CAMSAP1: variants seen among roughly 807,000 people sequenced by gnomAD.
CAMSAP1 encodes calmodulin-regulated spectrin-associated protein 1.
In CAMSAP1, 58 loss-of-function variants were observed where a neutral mutation model predicts 143.5. The observed-to-expected ratio is 0.40, with a 90% CI of 0.33 to 0.50. The LOEUF (loss-of-function observed/expected upper bound fraction) is 0.50, where lower values mean the gene tolerates loss of function less well. Ranked by LOEUF, CAMSAP1 falls within the 20% of genes least tolerant of loss-of-function variation. CAMSAP1 has a pLI of 0.45. For synonymous variants in CAMSAP1, 945 were observed against 859.3 expected, an observed-to-expected ratio of 1.10 and a Z score of -1.74; for missense variants, 1,969 against 2,115.7, an observed-to-expected ratio of 0.93 and a Z score of 1.36.
At chr9:135,887,614 T>G (rs1391473369) in intron 1 of CAMSAP1, among the ~76,000 whole-genome samples, 1 of 152,026 alleles carries the variant, frequency 6.6e-6, no homozygotes, top group East Asian at 1.9e-4. Context: ...TAGGGCAGTG[T>G]CTTTCACTGG....
rs142913003 is a variant in CAMSAP1 at position 135,821,612 on chromosome 9, C to A, written c.3049G>T (p.Val1017Leu). ...LEDTVGEVVDVNECDLSIEKL... is the reference protein window; with the variant it reads ...LEDTVGEVVDLNECDLSIEKL... ...TCGATGGAAAGGTCACATTCATTCA[C>A]GTCGACAACCTCCCCAACAGTGTCC... The change falls in exon 11 of 17, where the codon GTG (valine) becomes TTG (leucine). Residue 1017 changes from valine to leucine, a missense_variant. Coordinates refer to ENST00000389532, the MANE Select transcript of CAMSAP1 (RefSeq NM_015447.4). The surrounding 1 kb of genome is among the most constrained non-coding windows in gnomAD (Gnocchi z 4.6). 6.7e-5 allele frequency: 108 copies of A among 1,613,932 alleles called. No homozygotes were observed. Among genetic ancestry groups the A allele is most frequent in the Non-Finnish European group, 7.6e-5 (90 of 1,179,914 alleles).
At chr9:135,830,909 G>A (rs1346613135) in intron 7 of CAMSAP1, among the ~76,000 whole-genome samples, 2 of 152,176 alleles carry the variant, frequency 1.3e-5, no homozygotes, top group Non-Finnish European at 2.9e-5. Flanking sequence ...AGTGGCTCAC[G>A]CCTGTAATCC....
intron 1 of CAMSAP1, among the ~76,000 whole-genome samples, chr9:135,890,485 C>G (rs944195209): frequency 1.3e-5 from 2 of 152,144 alleles, no homozygotes; most frequent in Non-Finnish European, 2.9e-5. Flanking sequence ...GTGGTAAAGA[C>G]GGCAGGCTGT....
chr9:135,857,138 T>C (rs1837007785), intron 5 of CAMSAP1, among the ~76,000 whole-genome samples: 1 of 152,212 alleles, frequency 6.6e-6, no homozygotes, highest in Non-Finnish European at 1.5e-5. Context: ...ATGGCCCTTC[T>C]TCAGGAATCC....
intron 7 of CAMSAP1, among the ~76,000 whole-genome samples, chr9:135,831,126 C>T (rs1212664635): frequency 3.9e-5 from 6 of 152,102 alleles, no homozygotes; most frequent in East Asian, 1.9e-4. Context: ...GAGCCGAGAT[C>T]GCTCCAGCCT....
chr9:135,823,172 G>A lies in CAMSAP1; in HGVS notation c.1489C>T (p.Arg497Cys), dbSNP rs1444422667. Residue 497 changes from arginine (R) to cysteine (C), a missense_variant, in exon 11 of 17, where the codon CGC (arginine) becomes TGC (cysteine). By Grantham distance (180) the Arg-to-Cys change is radical (BLOSUM62 -3). This residue lies in a region of CAMSAP1 where 1,390 missense variants were observed against 1,420.8 expected (regional missense o/e 0.98). Coordinates refer to ENST00000389532, the MANE Select transcript of CAMSAP1 (RefSeq NM_015447.4). ...PSSGDSISLA[R>C]SISKDSLASN... ...GCCAAACTGTCTTTGCTGATGGAGC[G>A]GGCCAAGCTGATGCTGTCGCCAGAG... is the stretch of plus-strand genomic sequence containing the variant. 5 of 1,606,288 alleles carry A rather than the reference G, an allele frequency of 3.1e-6. No individual in the cohort carries two copies. The highest frequency in any genetic ancestry group is 1.7e-5 in the Admixed American group (1 of 59,610).
rs1835448511 is a variant in CAMSAP1 at position 135,821,311 on chromosome 9, G to A, written c.3350C>T (p.Ser1117Phe). The A allele has an allele frequency of 1.2e-6, 2 of 1,612,716 alleles. No individual in the cohort carries two copies. Among genetic ancestry groups the A allele is most frequent in the Admixed American group, 1.7e-5 (1 of 60,014 alleles). The change falls in exon 11 of 17, where the codon TCC becomes TTC. Residue 1117 changes from serine (S) to phenylalanine (F), a missense_variant. Transcript: ENST00000389532. The surrounding 1 kb of genome is among the most constrained non-coding windows in gnomAD (Gnocchi z 4.6). ...GGGCGTTGGGGTTTTACTTCGGGAG[G>A]AGCCCTGTGGCCTGTCTTTTGGGAC... is the stretch of plus-strand genomic sequence containing the variant. ...LKVPKDRPQG[S>F]SRSKTPTPSV... is the part of the protein sequence containing the mutation.
At position 135,824,925 on chromosome 9, in the gene CAMSAP1, C is replaced by T. The variant is rs1166299297; in HGVS notation, c.1224-45G>A. 6.8e-7 allele frequency: 1 copy of T among 1,470,128 alleles called. No individual in the cohort carries two copies. Among genetic ancestry groups the T allele is most frequent in the Non-Finnish European group, 9.3e-7 (1 of 1,075,996 alleles). 91.1% of individuals were successfully genotyped at this position (1,470,128 alleles called of 1,614,324 possible). A position where few individuals can be genotyped will look rare whatever the true frequency, so the allele number is the denominator to read the frequency against. On this transcript the variant is annotated intron_variant, in intron 8 of 16. Transcript: ENST00000389532. This position sits in a 1 kb window ranked among gnomAD's most constrained non-coding sequence, Gnocchi z 4.1. ...CAGGGAAAATCATTCCTTTATCAAACTTCAAGGTCAACAGCAAATGCACAA... is the reference window on the plus strand; with the variant it reads ...CAGGGAAAATCATTCCTTTATCAAATTTCAAGGTCAACAGCAAATGCACAA...
In CAMSAP1 at chr9:135,820,456, C is replaced by A. The variant is rs1162188491; in HGVS notation, c.3822+383G>T. Among the ~76,000 whole-genome samples the A allele has an allele frequency of 2.6e-5, 4 of 152,144 alleles. No individual in the cohort carries two copies. Among genetic ancestry groups the A allele is most frequent in the Admixed American group, 1.3e-4 (2 of 15,280 alleles). On this transcript the variant is annotated intron_variant, in intron 11 of 16. Transcript: ENST00000389532. The surrounding 1 kb of genome is among the most constrained non-coding windows in gnomAD (Gnocchi z 4.4). ...GGCAAACTTCAGCCCACAGGCCAGG[C>A]CTGGCCACCTCCAGAGCATTCTAAC... is the stretch of plus-strand genomic sequence containing the variant.
rs570458407 is a variant in CAMSAP1, at chr9:135,811,493, G to A, written c.4625C>T (p.Thr1542Met). 43 of 1,610,358 alleles carry A rather than the reference G, an allele frequency of 2.7e-5. No individual in the cohort carries two copies. The highest frequency in any genetic ancestry group is 6.7e-5 in the East Asian group (3 of 44,810). Residue 1542 changes from threonine to methionine, a missense_variant, in exon 17 of 17, where the codon ACG becomes ATG. Thr to Met is a moderately conservative substitution (Grantham distance 81, BLOSUM62 -1). Transcript: ENST00000389532. This position sits in a 1 kb window ranked among gnomAD's most constrained non-coding sequence, Gnocchi z 4.9. ...TTTCTTGGTGATGTTCTTTGGCCCC[G>A]TGCCAGTGAGTTTGTAGATTTCCTC... ...DTEEIYKLTG[T>M]GPKNITKKMI...
intron 1 of CAMSAP1, among the ~76,000 whole-genome samples, chr9:135,902,094 C>G (rs530137478): frequency 6.6e-6 from 1 of 152,166 alleles, no homozygotes; most frequent in Non-Finnish European, 1.5e-5. Flanking sequence ...AGGTGGTTCT[C>G]AGGACACCTC....
chr9:135,847,372 A>T (rs901700773), intron 7 of CAMSAP1, among the ~76,000 whole-genome samples: 14 of 151,852 alleles, frequency 9.2e-5, no homozygotes, highest in African/African-American at 1.9e-4. Context: ...ATAATAAAAT[A>T]AAAAAAAGTA....
At chr9:135,817,667 G>A in intron 14 of CAMSAP1, 1 of 272,414 alleles carries the variant, frequency 3.7e-6, no homozygotes, top group Non-Finnish European at 7.1e-6. Context: ...CCAAAGTCCT[G>A]GAATCATGGG....
intron 11 of CAMSAP1, among the ~76,000 whole-genome samples, chr9:135,819,944 G>A (rs1487446124): frequency 6.6e-6 from 1 of 152,154 alleles, no homozygotes; most frequent in African/African-American, 2.4e-5. Flanking sequence ...CTTTTGCTAA[G>A]ATCCACCTGA....
In CAMSAP1 at chr9:135,862,846, T is replaced by C. The variant is rs902724458; in HGVS notation, c.667-238A>G. 9.2e-5 allele frequency among the ~76,000 whole-genome samples: 14 copies of C among 152,104 alleles called. No individual in the cohort carries two copies. In the East Asian group the frequency reaches 2.1e-3, roughly 23 times the overall value. ...ACACTGGGTAACAGCAACTACTTGC[T>C]AGCAATACCAGAGCCAGTCTACTCT... is the stretch of plus-strand genomic sequence containing the variant. On this transcript the variant is annotated intron_variant, in intron 4 of 16. Coordinates refer to ENST00000389532, the MANE Select transcript of CAMSAP1 (RefSeq NM_015447.4).
At chr9:135,851,627 G>A (rs367839345) in intron 5 of CAMSAP1, among the ~76,000 whole-genome samples, 9 of 152,160 alleles carry the variant, frequency 5.9e-5, no homozygotes, top group African/African-American at 2.2e-4. Context: ...GCATCCACAA[G>A]TAACACAAAC....
At chr9:135,870,614 G>C (rs952972637) in intron 3 of CAMSAP1, among the ~76,000 whole-genome samples, 1 of 152,018 alleles carries the variant, frequency 6.6e-6, no homozygotes, top group African/African-American at 2.4e-5. Context: ...GGCCAACATG[G>C]CAAAACCTTA....
intron 7 of CAMSAP1, among the ~76,000 whole-genome samples, chr9:135,829,112 A>C (rs187331180): frequency 6.6e-6 from 1 of 152,366 alleles, no homozygotes; most frequent in African/African-American, 2.4e-5. Context: ...AAACATAAAA[A>C]GTATGAAACG....
chr9:135,842,282 T>G (rs1354651854), intron 7 of CAMSAP1, among the ~76,000 whole-genome samples: 1 of 151,964 alleles, frequency 6.6e-6, no homozygotes, highest in East Asian at 1.9e-4. Context: ...AAATAAAGCA[T>G]GAAGACAAGA....
Sources: allele counts gnomAD v4.1 joint callset (sites outside exome capture counted in the v4.1 genomes callset), GRCh38; gene constraint gnomAD v4.1.1; regional missense constraint gnomAD v4.1.1; non-coding constraint Gnocchi (gnomAD v3.1); transcripts MANE v1.5; gene names NCBI Gene and HGNC (gene_info 2026-07-23, HGNC 2026-07-21).